Variants in ZNF570 observed in about 807,000 individuals in gnomAD.
ZNF570 encodes the protein zinc finger protein 570.
ZNF570 carries 8 observed loss-of-function variants against 14.2 expected under a neutral mutation model. The observed-to-expected ratio is 0.56, with a 90% CI of 0.33 to 1.02. The LOEUF is 1.02. Ranked by LOEUF, ZNF570 falls within the 50% of genes least tolerant of loss-of-function variation. The pLI is 0.03. For synonymous variants in ZNF570, 202 were observed against 207.6 expected (o/e 0.97, Z 0.23); for missense variants, 559 against 624.9 (o/e 0.89, Z 1.12).
chr19:37,476,384 G>T lies in ZNF570; in HGVS notation c.206G>T (p.Gly69Val), dbSNP rs976680008. The stretch of plus-strand genomic sequence containing the variant: ...AGTGTGATATTATTGTTGGAACAAG[G>T]AAAAGCACCCTGGATGGTGAAGAGA... ...KPSVILLLEQ[G>V]KAPWMVKREL... is the part of the protein sequence containing the mutation. The change falls in exon 4 of 5, where the codon GGA (glycine) becomes GTA (valine). Residue 69 changes from glycine to valine, a missense_variant. Coordinates refer to ENST00000330173, the MANE Select transcript of ZNF570 (RefSeq NM_144694.5). The T allele has an allele frequency of 1.9e-6, 3 of 1,614,046 alleles. No individual in the cohort carries two copies. The highest frequency in any genetic ancestry group is 2.5e-6 in the Non-Finnish European group (3 of 1,180,008).
At position 37,476,523 on chromosome 19, in the gene ZNF570, A is replaced by G. The variant is rs537440101; in HGVS notation, c.256+89A>G. 44 of 1,416,322 alleles carry G rather than the reference A, an allele frequency of 3.1e-5. No individual in the cohort carries two copies. In the African/African-American group the frequency reaches 5.2e-4, roughly 17 times the overall value. The allele number at this position is 1,416,322 out of a possible 1,614,324, so 87.7% of individuals were successfully genotyped here. A position where few individuals can be genotyped will look rare whatever the true frequency, so the allele number is the denominator to read the frequency against. ...CACCTCTTCACTCTTCAGGCTTCCA[A>G]ATTCTTCTCAAATGTTCTAGGTTTT... On this transcript the variant is annotated intron_variant, in intron 4 of 4. Coordinates refer to ENST00000330173, the MANE Select transcript of ZNF570 (RefSeq NM_144694.5).
rs770620795 is a variant in ZNF570 at position 37,484,593 on chromosome 19, A to G, written c.971A>G (p.His324Arg). The G allele has an allele frequency of 6.2e-7, 1 of 1,614,174 alleles. No individual in the cohort carries two copies. The highest frequency in any genetic ancestry group is 1.1e-5 in the South Asian group (1 of 91,084). The part of the protein sequence containing the change: ...FAYLAQHQRV[H>R]TGEKPYECIE... ...TACCTTGCTCAACATCAGAGAGTTC[A>G]CACGGGAGAGAAACCCTATGAATGT... Residue 324 changes from histidine (H) to arginine (R), a missense_variant, in exon 5 of 5, where the codon CAC (histidine) becomes CGC (arginine). Physicochemically the swap from His to Arg is conservative, Grantham distance 29. Transcript: ENST00000330173.
chr19:37,468,027 T>C (rs1462329873), upstream of ZNF570: 1 of 1,175,866 alleles, frequency 8.5e-7, no homozygotes, highest in Admixed American at 2.0e-5. Context: ...CCTTACTAGC[T>C]GTGTCATCTC....
At chr19:37,472,776 G>A (rs1052710410) in intron 2 of ZNF570, among the ~76,000 whole-genome samples, 2 of 151,892 alleles carry the variant, frequency 1.3e-5, no homozygotes, top group African/African-American at 4.8e-5. Context: ...AAAGAAATGG[G>A]TGGTAACTGA....
chr19:37,472,516 G>A (rs188910318), intron 2 of ZNF570, among the ~76,000 whole-genome samples: 20 of 152,048 alleles, frequency 1.3e-4, no homozygotes, highest in African/African-American at 3.6e-4. Context: ...CGAGGTGGGC[G>A]GATCACCTGA....
chr19:37,476,605 T>TCCCTATCTCCTTTCTAACAAGTCCCATC (rs2042027062), intron 4 of ZNF570, 171 bp downstream of exon 4: 2 of 954,338 alleles, frequency 2.1e-6, no homozygotes, highest in Non-Finnish European at 2.8e-6. Flanking sequence ...TTTAATTATT[T>TCCCTATCTCCTTTCTAACAAGTCCCATC]CCCTTCTCTT....
Position 37,484,954 on chromosome 19 carries a change from T to A in ZNF570, c.1332T>A (p.Cys444Ter). Residue 444 changes from cysteine (C) to a stop codon, truncating the protein, a stop_gained, in exon 5 of 5, where the codon TGT becomes TGA. Coordinates refer to ENST00000330173, the MANE Select transcript of ZNF570 (RefSeq NM_144694.5). LOFTEE classifies it high-confidence loss of function. Reference sequence around the variant, plus strand: ...ATACTGGAGAGAAACCCTATGAATGTATTGAATGTGGGAAGGCTTTTAGCA... The same window carrying A: ...ATACTGGAGAGAAACCCTATGAATGAATTGAATGTGGGAAGGCTTTTAGCA... Reference protein sequence around the residue: ...RVHTGEKPYECIECGKAFSND... With the variant: ...RVHTGEKPYE 1 of 1,614,102 alleles carries A rather than the reference T, an allele frequency of 6.2e-7. No individual in the cohort carries two copies. The highest frequency in any genetic ancestry group is 2.2e-5 in the East Asian group (1 of 44,878).
upstream of ZNF570, chr19:37,469,105 T>A: frequency 9.5e-7 from 1 of 1,049,178 alleles, no homozygotes; most frequent in Non-Finnish European, 1.2e-6. Flanking sequence ...GCCCCGTCCC[T>A]GTGACCGGGC....
intron 4 of ZNF570, among the ~76,000 whole-genome samples, chr19:37,476,705 C>CTTTTTT (rs35904468): frequency 1.3e-4 from 15 of 111,748 alleles, no homozygotes; most frequent in East Asian, 5.5e-4. Flanking sequence ...GTCTTATAAA[C>CTTTTTT]TTTTTTTTTT....
chr19:37,487,646 G>A lies in ZNF570; in HGVS notation c.*2413G>A, dbSNP rs190835809. 130 of 152,244 alleles carry A rather than the reference G, an allele frequency of 8.5e-4. No individual in the cohort carries two copies. The highest frequency in any genetic ancestry group is 2.8e-3 in the Admixed American group (43 of 15,292). The allele number at this position is 152,244 out of a possible 1,614,324, so 9.4% of individuals were successfully genotyped here. A position where few individuals can be genotyped will look rare whatever the true frequency, so the allele number is the denominator to read the frequency against. On this transcript the variant is annotated 3_prime_UTR_variant, in exon 5 of 5. Transcript: ENST00000330173. ...AGAGACTCAATATAATAAAGTTGGCGATTCTTCCTAATTATCAAATTTACT... is the reference window on the plus strand; with the variant it reads ...AGAGACTCAATATAATAAAGTTGGCAATTCTTCCTAATTATCAAATTTACT...
At chr19:37,475,341 T>G (rs1367130929) in intron 2 of ZNF570, among the ~76,000 whole-genome samples, 1 of 152,136 alleles carries the variant, frequency 6.6e-6, no homozygotes, top group Admixed American at 6.5e-5. Context: ...TACACAAAAT[T>G]TTGGGAACTC....
At position 37,485,165 on chromosome 19, in the gene ZNF570, C is replaced by T. The variant is rs2042140489; in HGVS notation, c.1543C>T (p.His515Tyr). 2 of 1,599,626 alleles carry T rather than the reference C, an allele frequency of 1.3e-6. No homozygotes were observed. Among genetic ancestry groups the T allele is most frequent in the Non-Finnish European group, 1.7e-6 (2 of 1,172,710 alleles). Residue 515 changes from histidine to tyrosine, a missense_variant, in exon 5 of 5, where the codon CAT becomes TAT. Physicochemically the swap from His to Tyr is moderately conservative, Grantham distance 83. Transcript: ENST00000330173. ...CTTCAGGCAGCATGCACACCTTGCT[C>T]ATCACCAGAGAATTCACATTGGGGA... is the stretch of plus-strand genomic sequence containing the variant. Reference protein sequence around the residue: ...KTFRQHAHLAHHQRIHIGESL... With the variant: ...KTFRQHAHLAYHQRIHIGESL...
rs1044295990 is a variant in ZNF570 at position 37,484,401 on chromosome 19, A to G, written c.779A>G (p.Asn260Ser). Residue 260 changes from asparagine (N) to serine (S), a missense_variant, in exon 5 of 5, where the codon AAT (asparagine) becomes AGT (serine). Asn to Ser is a conservative substitution (Grantham distance 46, BLOSUM62 1). Transcript: ENST00000330173. Reference sequence around the variant, plus strand: ...GGAAAAGCCTTCAGCCAGAGATCAAATCTTGTTCAACATCAGAGGATTCAT... The same window carrying G: ...GGAAAAGCCTTCAGCCAGAGATCAAGTCTTGTTCAACATCAGAGGATTCAT... ...ECGKAFSQRS[N>S]LVQHQRIHTG... The G allele has an allele frequency of 5.0e-6, 8 of 1,614,102 alleles. No homozygotes were observed. The highest frequency in any genetic ancestry group is 6.8e-6 in the Non-Finnish European group (8 of 1,180,014).
In ZNF570 at chr19:37,484,868, T is replaced by C. The variant is rs1272097972; in HGVS notation, c.1246T>C (p.Cys416Arg). ...TCATACTGGAGAAAAACCTTATAAG[T>C]GTCAGGAATGTAGGAAAGCATTCAG... ...RIHTGEKPYK[C>R]QECRKAFSQI... The change falls in exon 5 of 5, where the codon TGT becomes CGT. Residue 416 changes from cysteine (C) to arginine (R), a missense_variant. Transcript: ENST00000330173. The C allele has an allele frequency of 5.0e-6, 8 of 1,613,458 alleles. No homozygotes were observed. In the Admixed American group the frequency reaches 1.2e-4, roughly 24 times the overall value.
intron 2 of ZNF570, among the ~76,000 whole-genome samples, chr19:37,472,907 A>G (rs1391618336): frequency 6.6e-6 from 1 of 152,202 alleles, no homozygotes; most frequent in Non-Finnish European, 1.5e-5. Flanking sequence ...TGCTGGAACA[A>G]TGTGCTTAAG....
chr19:37,482,639 G>A (rs560379671), intron 4 of ZNF570, among the ~76,000 whole-genome samples: 28 of 152,128 alleles, frequency 1.8e-4, no homozygotes, highest in African/African-American at 6.0e-4. Context: ...CATCTGTTAC[G>A]GTTTGGCTCT....
intron 2 of ZNF570, among the ~76,000 whole-genome samples, chr19:37,475,387 C>T (rs2042012569): frequency 1.3e-5 from 2 of 152,184 alleles, no homozygotes; most frequent in South Asian, 2.1e-4. Context: ...GGAATTGATG[C>T]TCTGCTCTGC....
At chr19:37,471,603 C>T (rs1325237542) in intron 2 of ZNF570, among the ~76,000 whole-genome samples, 1 of 152,194 alleles carries the variant, frequency 6.6e-6, no homozygotes, top group Non-Finnish European at 1.5e-5. Flanking sequence ...AGACCTCTCT[C>T]TTGAACTCTA....
chr19:37,475,749 C>T (rs2042015978), intron 2 of ZNF570, 132 bp from the exon 3 acceptor site: 2 of 790,542 alleles, frequency 2.5e-6, no homozygotes, highest in South Asian at 2.4e-5. Context: ...TATACAAAGG[C>T]CCTGAGTACA....
Sources: allele counts gnomAD v4.1 joint callset (sites outside exome capture counted in the v4.1 genomes callset), GRCh38; gene constraint gnomAD v4.1.1; transcripts MANE v1.5; gene names NCBI Gene and HGNC (gene_info 2026-07-23, HGNC 2026-07-21).